ORC3: variants seen among roughly 807,000 people sequenced by gnomAD.
ORC3 encodes the protein homolog of latheo, Drosophila.
Under a neutral mutation model 100.7 loss-of-function variants are expected in ORC3, and 78 were observed. The ratio of observed to expected loss-of-function variants is 0.77; its 90% CI spans 0.65 to 0.94. ORC3 has a LOEUF of 0.94. Among genes scored for constraint, ORC3 ranks in the 40% least tolerant of loss-of-function variants. The pLI is 0.00. For missense variants in ORC3, 789 were observed against 823.9 expected (o/e 0.96, Z 0.52); for synonymous variants, 295 against 289.3 (o/e 1.02, Z -0.20).
In ORC3 at chr6:87,651,003, G is replaced by A. The variant is rs185995668; in HGVS notation, c.1383-2113G>A. 4.7e-4 allele frequency: 172 copies of A among 363,870 alleles called. 2 individuals are homozygous for A. Among genetic ancestry groups the A allele is most frequent in the South Asian group, 2.9e-3 (140 of 47,754 alleles). The allele number at this position is 363,870 out of a possible 1,614,324, so 22.5% of individuals were successfully genotyped here. ...GCCTGAGCAACAAGAGCAAAACTGC[G>A]TCTCAAAGAAAAAACAAAAAAAGAA... On this transcript the variant is annotated intron_variant, in intron 13 of 19. Transcript: ENST00000392844.
At chr6:87,592,973 A>G (rs966279825) in intron 1 of ORC3, among the ~76,000 whole-genome samples, 2 of 152,006 alleles carry the variant, frequency 1.3e-5, no homozygotes, top group South Asian at 2.1e-4. Flanking sequence ...GGCACCTGTC[A>G]TCCCAGCTAC....
intron 11 of ORC3, among the ~76,000 whole-genome samples, chr6:87,625,540 G>T (rs868288431): frequency 4.6e-5 from 7 of 152,004 alleles, no homozygotes; most frequent in African/African-American, 1.7e-4. Flanking sequence ...TTTTGATGGG[G>T]TTATTTTTTT....
rs377536785 is a variant in ORC3 at position 87,607,656 on chromosome 6, C to G, written c.428-17C>G. 2 of 1,564,456 alleles carry G rather than the reference C, an allele frequency of 1.3e-6. No homozygotes were observed. Among genetic ancestry groups the G allele is most frequent in the African/African-American group, 1.4e-5 (1 of 72,568 alleles). On this transcript the variant is annotated splice_polypyrimidine_tract_variant and intron_variant, in intron 5 of 19. Coordinates refer to ENST00000392844, the MANE Select transcript of ORC3 (RefSeq NM_012381.4). ...GAAGAGGCAGAGATAAGCTTTCTTA[C>G]TTTTTATATTCCACAGATATGAAAC...
Position 87,607,679 on chromosome 6 carries a change from A to T in ORC3, c.434A>T (p.Lys145Ile). The part of the protein sequence containing the change: ...SLQAKDCPDM[K>I]HFLQKLISQL... ...TACTTTTTATATTCCACAGATATGA[A>T]ACATTTTTTGCAAAAGTTGATCTCA... The change falls in exon 6 of 20, where the codon AAA becomes ATA. Residue 145 changes from lysine (K) to isoleucine (I), a missense_variant. This residue lies in a region of ORC3 where 399 missense variants were observed against 382.0 expected (regional missense o/e 1.04). Coordinates refer to ENST00000392844, the MANE Select transcript of ORC3 (RefSeq NM_012381.4). 1 of 1,601,942 alleles carries T rather than the reference A, an allele frequency of 6.2e-7. No individual in the cohort carries two copies. Among genetic ancestry groups the T allele is most frequent in the Non-Finnish European group, 8.5e-7 (1 of 1,175,312 alleles).
At chr6:87,620,892 A>G (rs1162736000) in intron 9 of ORC3, among the ~76,000 whole-genome samples, 1 of 152,168 alleles carries the variant, frequency 6.6e-6, no homozygotes, top group African/African-American at 2.4e-5. Flanking sequence ...TGTAAAGATA[A>G]ATTTTCATCA....
chr6:87,593,422 C>T (rs1777191216), intron 1 of ORC3, among the ~76,000 whole-genome samples: 2 of 152,128 alleles, frequency 1.3e-5, no homozygotes, highest in African/African-American at 4.8e-5. Context: ...ATTAAAGTGA[C>T]TTAAAACAAT....
At chr6:87,657,308 T>C (rs577240914) in intron 15 of ORC3, among the ~76,000 whole-genome samples, 1 of 152,362 alleles carries the variant, frequency 6.6e-6, no homozygotes, top group East Asian at 1.9e-4. Flanking sequence ...TGTATTTTTC[T>C]GTTTGATCAA....
rs962319316 is a variant in ORC3, at chr6:87,665,758, T to C, written c.1955T>C (p.Phe652Ser). The part of the protein sequence containing the change: ...LINLVDWSEA[F>S]ATVVTAAEKM... ...TCTGTCTTGTCTATTCAAAAGGCTT[T>C]TGCAACAGTTGTGACAGCTGCTGAA... The change falls in exon 19 of 20, where the codon TTT becomes TCT. Residue 652 changes from phenylalanine (F) to serine (S), a missense_variant. By Grantham distance (155) the Phe-to-Ser change is radical (BLOSUM62 -2). Coordinates refer to ENST00000392844, the MANE Select transcript of ORC3 (RefSeq NM_012381.4). The C allele has an allele frequency of 1.2e-6, 2 of 1,607,724 alleles. No individual in the cohort carries two copies. The highest frequency in any genetic ancestry group is 1.1e-5 in the South Asian group (1 of 90,816).
At chr6:87,609,436 C>A (rs1405629066) in intron 7 of ORC3, 1 of 446,234 alleles carries the variant, frequency 2.2e-6, no homozygotes, top group Non-Finnish European at 3.9e-6. Context: ...CACATTTAGC[C>A]AGTTTTAAAT....
intron 13 of ORC3, among the ~76,000 whole-genome samples, chr6:87,644,526 C>T (rs1217348266): frequency 6.6e-6 from 1 of 152,056 alleles, no homozygotes; most frequent in Admixed American, 6.5e-5. Flanking sequence ...CATAGTGAAA[C>T]CCTGTCTGTA....
intron 4 of ORC3, among the ~76,000 whole-genome samples, chr6:87,605,542 C>T (rs982698061): frequency 6.6e-6 from 1 of 151,718 alleles, no homozygotes; most frequent in East Asian, 1.9e-4. Context: ...TCCAGCTACT[C>T]AGGAGGCTGA....
At chr6:87,648,301 C>T (rs1000054225) in intron 13 of ORC3, among the ~76,000 whole-genome samples, 1 of 152,096 alleles carries the variant, frequency 6.6e-6, no homozygotes, top group Non-Finnish European at 1.5e-5. Flanking sequence ...CTGATATTAC[C>T]CCTTGTATTA....
At chr6:87,598,973 T>C (rs1053909239) in intron 2 of ORC3, among the ~76,000 whole-genome samples, 4 of 152,162 alleles carry the variant, frequency 2.6e-5, no homozygotes, top group African/African-American at 9.7e-5. Flanking sequence ...GGATAGGAAC[T>C]GGAGAGAGAG....
chr6:87,625,313 C>T (rs1224700267), intron 11 of ORC3, among the ~76,000 whole-genome samples: 1 of 152,190 alleles, frequency 6.6e-6, no homozygotes, highest in Non-Finnish European at 1.5e-5. Flanking sequence ...CTCCTACCAA[C>T]AGTGTAAAAG....
intron 1 of ORC3, among the ~76,000 whole-genome samples, chr6:87,593,711 T>C (rs1054805476): frequency 1.3e-5 from 2 of 152,286 alleles, no homozygotes; most frequent in African/African-American, 4.8e-5. Context: ...TATTTATTTT[T>C]TGAGACAGAG....
At chr6:87,632,226 G>A (rs2128276109) in intron 11 of ORC3, among the ~76,000 whole-genome samples, 1 of 152,292 alleles carries the variant, frequency 6.6e-6, no homozygotes, top group South Asian at 2.1e-4. Flanking sequence ...CATATGTGCA[G>A]GTATCTAAGT....
chr6:87,630,815 G>A (rs1363766880), intron 11 of ORC3, among the ~76,000 whole-genome samples: 1 of 152,102 alleles, frequency 6.6e-6, no homozygotes, highest in Non-Finnish European at 1.5e-5. Context: ...AGGACCTGAG[G>A]TTGGAGCATG....
intron 1 of ORC3, 89 bp downstream of exon 1, chr6:87,590,281 T>C: frequency 7.2e-7 from 1 of 1,390,994 alleles, no homozygotes; most frequent in Non-Finnish European, 1.0e-6. Flanking sequence ...TAGGCATCCC[T>C]TCCCTGGCTG....
At chr6:87,648,231 CA>C (rs890544586) in intron 13 of ORC3, among the ~76,000 whole-genome samples, 6 of 149,234 alleles carry the variant, frequency 4.0e-5, no homozygotes, top group Non-Finnish European at 6.0e-5. Context: ...AAAACAAAAC[CA>C]AAAAAAAAGT....
Sources: allele counts gnomAD v4.1 joint callset (sites outside exome capture counted in the v4.1 genomes callset), GRCh38; gene constraint gnomAD v4.1.1; regional missense constraint gnomAD v4.1.1; transcripts MANE v1.5; gene names NCBI Gene and HGNC (gene_info 2026-07-23, HGNC 2026-07-21).